Variants in TRPC7 observed in about 807,000 individuals in gnomAD.
The protein encoded by TRPC7 is transient receptor potential cation channel subfamily C member 7.
TRPC7 carries 42 observed loss-of-function variants against 90.1 expected under a neutral mutation model. That is an observed-to-expected ratio of 0.47 (90% CI 0.36 to 0.60). The LOEUF is 0.60. Ranked by LOEUF, TRPC7 falls within the 20% of genes least tolerant of loss-of-function variation. The pLI, the probability that TRPC7 is intolerant of heterozygous loss-of-function variation, is 0.00. For missense variants in TRPC7, 955 were observed against 1,112.3 expected, an observed-to-expected ratio of 0.86 and a Z score of 2.01; for synonymous variants, 451 against 436.3, an observed-to-expected ratio of 1.03 and a Z score of -0.42.
At chr5:136,342,840 C>G (rs1296087327) in intron 2 of TRPC7, among the ~76,000 whole-genome samples, 4 of 152,088 alleles carry the variant, frequency 2.6e-5, no homozygotes, top group African/African-American at 7.2e-5. Context: ...ACTGGATCTC[C>G]CCACTTCATC....
intron 2 of TRPC7, among the ~76,000 whole-genome samples, chr5:136,330,512 C>T (rs1308567153): frequency 6.6e-6 from 1 of 152,256 alleles, no homozygotes; most frequent in African/African-American, 2.4e-5. Flanking sequence ...GAAACACTGA[C>T]TGCCCTTGTA....
intron 5 of TRPC7, among the ~76,000 whole-genome samples, chr5:136,261,030 G>A (rs953383119): frequency 2.6e-5 from 4 of 152,166 alleles, no homozygotes; most frequent in Non-Finnish European, 5.9e-5. Flanking sequence ...CTTCTTGGAG[G>A]TGCCTAGGAG....
chr5:136,339,839 GCAA>G (rs10573372), intron 2 of TRPC7, among the ~76,000 whole-genome samples: 43,438 of 138,000 alleles, frequency 0.31, 6,855 homozygotes, highest in African/African-American at 0.44. Context: ...TCTCTCTACT[GCAA>G]CAACAACAAC....
intron 1 of TRPC7, among the ~76,000 whole-genome samples, chr5:136,359,813 A>C (rs1206006609): frequency 6.6e-6 from 1 of 152,122 alleles, no homozygotes; most frequent in Non-Finnish European, 1.5e-5. Flanking sequence ...AGATGAGCCC[A>C]AAGAAGACTA....
At position 136,365,322 on chromosome 5, in the gene TRPC7, C is replaced by G; in HGVS notation, c.-68G>C. The G allele has an allele frequency of 1.3e-6, 2 of 1,517,224 alleles. No individual in the cohort carries two copies. The highest frequency in any genetic ancestry group is 1.8e-6 in the Non-Finnish European group (2 of 1,128,824). The allele number at this position is 1,517,224 out of a possible 1,614,324, so 94.0% of individuals were successfully genotyped here. A position where few individuals can be genotyped will look rare whatever the true frequency, so the allele number is the denominator to read the frequency against. On this transcript the variant is annotated 5_prime_UTR_variant, in exon 1 of 12. Coordinates refer to ENST00000513104, the MANE Select transcript of TRPC7 (RefSeq NM_020389.3). ...GAATCCGGTGTTGAGTCGCCAGAAG[C>G]TGGCTCCCCATGGGTGGTAGCCAAG...
chr5:136,285,525 T>A (rs1757685494), intron 3 of TRPC7, among the ~76,000 whole-genome samples: 1 of 152,202 alleles, frequency 6.6e-6, no homozygotes, highest in African/African-American at 2.4e-5. Context: ...CCAGTGTGGG[T>A]CTAATTTAAT....
intron 10 of TRPC7, among the ~76,000 whole-genome samples, chr5:136,224,435 C>T (rs1476271096): frequency 6.6e-6 from 1 of 152,178 alleles, no homozygotes; most frequent in African/African-American, 2.4e-5. Flanking sequence ...TCTGAAGACA[C>T]CTATATCTAC....
intron 5 of TRPC7, among the ~76,000 whole-genome samples, chr5:136,256,587 A>G (rs1051269519): frequency 1.2e-4 from 18 of 151,816 alleles, no homozygotes; most frequent in Admixed American, 8.5e-4. Flanking sequence ...GCTGTCACCA[A>G]GGATCACTGC....
intron 2 of TRPC7, among the ~76,000 whole-genome samples, chr5:136,341,003 G>C (rs1464193001): frequency 6.6e-6 from 1 of 152,174 alleles, no homozygotes; most frequent in Non-Finnish European, 1.5e-5. Flanking sequence ...GAGGAAAAGA[G>C]ACTCATTCTC....
chr5:136,361,463 G>A (rs1471433118), intron 1 of TRPC7, among the ~76,000 whole-genome samples: 1 of 152,168 alleles, frequency 6.6e-6, no homozygotes, highest in African/African-American at 2.4e-5. Context: ...GCATCAGCCA[G>A]TCTGAAGGAA....
At chr5:136,262,732 T>G (rs1243582424) in intron 5 of TRPC7, among the ~76,000 whole-genome samples, 1 of 152,204 alleles carries the variant, frequency 6.6e-6, no homozygotes, top group African/African-American at 2.4e-5. Flanking sequence ...ATAATATTTT[T>G]AGGCATTGGA....
At chr5:136,272,686 A>C (rs1757244364) in intron 4 of TRPC7, among the ~76,000 whole-genome samples, 1 of 152,126 alleles carries the variant, frequency 6.6e-6, no homozygotes, top group Admixed American at 6.6e-5. Flanking sequence ...TTTTAGTCTT[A>C]ATGGAACTTC....
At chr5:136,291,114 C>T (rs546052161) in intron 3 of TRPC7, among the ~76,000 whole-genome samples, 201 of 152,284 alleles carry the variant, frequency 1.3e-3, no homozygotes, top group African/African-American at 4.6e-3. Flanking sequence ...CACCACCAGG[C>T]CTGCCCTACA....
At chr5:136,246,797 T>A (rs952209771) in intron 7 of TRPC7, among the ~76,000 whole-genome samples, 5 of 152,222 alleles carry the variant, frequency 3.3e-5, no homozygotes, top group Non-Finnish European at 7.3e-5. Context: ...TAATTTTTTT[T>A]ACCACATATT....
At chr5:136,219,632 G>C (rs553612277) in intron 10 of TRPC7, among the ~76,000 whole-genome samples, 2 of 152,326 alleles carry the variant, frequency 1.3e-5, no homozygotes, top group African/African-American at 4.8e-5. Context: ...CAGGCATGTT[G>C]ATGTACACCT....
At chr5:136,306,871 C>T (rs1458574878) in intron 3 of TRPC7, among the ~76,000 whole-genome samples, 5 of 152,178 alleles carry the variant, frequency 3.3e-5, no homozygotes, top group South Asian at 2.1e-4. Flanking sequence ...TTAACTTCAC[C>T]GCCTATCCCA....
At chr5:136,262,874 A>T (rs1286676978) in intron 5 of TRPC7, among the ~76,000 whole-genome samples, 8 of 152,200 alleles carry the variant, frequency 5.3e-5, no homozygotes, top group African/African-American at 1.9e-4. Flanking sequence ...GAAGCATAGC[A>T]GCAGTCTCAC....
Position 136,313,838 on chromosome 5 carries a change from T to G in TRPC7, c.963+1759A>C, listed in dbSNP as rs942438577. Among the ~76,000 whole-genome samples the G allele has an allele frequency of 2.6e-5, 4 of 152,228 alleles. No individual in the cohort carries two copies. In the South Asian group the frequency reaches 8.3e-4, roughly 32 times the overall value. ...CCACTGGAGCCAATCATTTCCCTCATGAAACATTTTAATTCTGATCCAAAC... is the reference window on the plus strand; with the variant it reads ...CCACTGGAGCCAATCATTTCCCTCAGGAAACATTTTAATTCTGATCCAAAC... On this transcript the variant is annotated intron_variant, in intron 3 of 11. Transcript: ENST00000513104.
At chr5:136,364,536 A>G (rs1257177677) in intron 1 of TRPC7, among the ~76,000 whole-genome samples, 1 of 152,218 alleles carries the variant, frequency 6.6e-6, no homozygotes, top group East Asian at 1.9e-4. Context: ...GCCACCAGAC[A>G]GGGTCAATCA....
Sources: gnomAD v4.1 joint callset for allele counts (sites outside exome capture counted in the v4.1 genomes callset) on GRCh38, gnomAD v4.1.1 for gene constraint, MANE v1.5 for transcripts, NCBI Gene and HGNC (gene_info 2026-07-23, HGNC 2026-07-21) for gene names.